The following SLC25A13 variants were observed in gnomAD, a reference collection of about 807,000 sequenced individuals.
SLC25A13 encodes the protein electrogenic aspartate/glutamate antiporter SLC25A13, mitochondrial.
SLC25A13 carries 70 observed loss-of-function variants against 85.5 expected under a neutral mutation model. The ratio of observed to expected loss-of-function variants is 0.82; its 90% CI spans 0.68 to 1.00. SLC25A13 has a LOEUF of 1.00. Ranked by LOEUF, SLC25A13 falls within the 50% of genes least tolerant of loss-of-function variation. SLC25A13 has a pLI of 0.00. For missense variants in SLC25A13, 765 were observed against 819.8 expected, an observed-to-expected ratio of 0.93 and a Z score of 0.82; for synonymous variants, 259 against 288.7, an observed-to-expected ratio of 0.90 and a Z score of 1.04.
At chr7:96,199,410 A>G (rs1795172377) in intron 5 of SLC25A13, among the ~76,000 whole-genome samples, 1 of 152,224 alleles carries the variant, frequency 6.6e-6, no homozygotes, top group Non-Finnish European at 1.5e-5. Flanking sequence ...AATAAGACAC[A>G]GGGCCTGAAA....
chr7:96,146,055 TA>T (rs759547149), intron 14 of SLC25A13, among the ~76,000 whole-genome samples: 4 of 152,184 alleles, frequency 2.6e-5, no homozygotes, highest in Non-Finnish European at 5.9e-5. Flanking sequence ...GCAGTATGAA[TA>T]AAAAATTTCA....
chr7:96,254,565 T>G (rs1237499839), intron 3 of SLC25A13, among the ~76,000 whole-genome samples: 2 of 152,202 alleles, frequency 1.3e-5, no homozygotes, highest in Admixed American at 6.5e-5. Flanking sequence ...AATATACATA[T>G]ATACCCACAT....
At chr7:96,288,496 G>A (rs144938933) in intron 2 of SLC25A13, among the ~76,000 whole-genome samples, 2,053 of 152,316 alleles carry the variant, frequency 0.013, 43 homozygotes, top group African/African-American at 0.047. Flanking sequence ...GAAGCGCAAG[G>A]GGTCAGGGAA....
chr7:96,170,624 T>G (rs190711520), intron 12 of SLC25A13, among the ~76,000 whole-genome samples: 12 of 152,270 alleles, frequency 7.9e-5, no homozygotes, highest in African/African-American at 2.2e-4. Context: ...GAACATAAAT[T>G]ACATTAATTA....
chr7:96,184,243 T>A (rs373426467), intron 11 of SLC25A13, 34 bp downstream of exon 11: 1 of 1,613,254 alleles, frequency 6.2e-7, no homozygotes, highest in African/African-American at 1.3e-5. Context: ...TGAGTGTTAT[T>A]TCACCTAACA....
chr7:96,215,974 G>T (rs545903729), intron 4 of SLC25A13, among the ~76,000 whole-genome samples: 11 of 151,948 alleles, frequency 7.2e-5, no homozygotes, highest in African/African-American at 2.4e-4. Flanking sequence ...GGGCAACATG[G>T]CAAAACCCCA....
At chr7:96,311,810 T>TAA (rs533791751) in intron 1 of SLC25A13, among the ~76,000 whole-genome samples, 1 of 150,352 alleles carries the variant, frequency 6.7e-6, no homozygotes, top group South Asian at 2.1e-4. Flanking sequence ...TGACAAAGGC[T>TAA]AAAAAAAAAG....
rs549122211 is a variant in SLC25A13, at chr7:96,308,615, G to A, written c.16-11664C>T. Reference sequence around the variant, plus strand: ...GAATTTCAAAAAGTACTAGAAAAACGCACAGGTGGTTTCTTATGTAATGTT... The same window carrying A: ...GAATTTCAAAAAGTACTAGAAAAACACACAGGTGGTTTCTTATGTAATGTT... On this transcript the variant is annotated intron_variant, in intron 1 of 17. Coordinates refer to ENST00000265631, the MANE Select transcript of SLC25A13 (RefSeq NM_014251.3). Among the ~76,000 whole-genome samples, 14 of 152,206 alleles carry A rather than the reference G, an allele frequency of 9.2e-5. No homozygotes were observed. The East Asian group carries it at 2.5e-3, about 27-fold the overall frequency.
At chr7:96,274,075 G>A (rs180721843) in intron 3 of SLC25A13, among the ~76,000 whole-genome samples, 98 of 152,220 alleles carry the variant, frequency 6.4e-4, no homozygotes, top group Middle Eastern at 6.9e-3. Flanking sequence ...ACCTTCTGCC[G>A]CTGGAACAGA....
At chr7:96,177,216 T>C (rs1794254516) in intron 11 of SLC25A13, among the ~76,000 whole-genome samples, 1 of 152,210 alleles carries the variant, frequency 6.6e-6, no homozygotes, top group Admixed American at 6.5e-5. Context: ...CATGACATTA[T>C]GCCTATCTTA....
chr7:96,206,808 T>C (rs971221288), intron 5 of SLC25A13, among the ~76,000 whole-genome samples: 9 of 152,180 alleles, frequency 5.9e-5, no homozygotes, highest in Non-Finnish European at 1.2e-4. Context: ...GGCTTCCCCA[T>C]ATCTGGAGGA....
chr7:96,216,915 A>G (rs1166785966), intron 4 of SLC25A13, among the ~76,000 whole-genome samples: 2 of 152,194 alleles, frequency 1.3e-5, no homozygotes, highest in East Asian at 1.9e-4. Context: ...GTTTAAAAAA[A>G]AGAGAGAAAA....
At chr7:96,195,586 C>T (rs1248553230) in intron 5 of SLC25A13, among the ~76,000 whole-genome samples, 2 of 152,148 alleles carry the variant, frequency 1.3e-5, no homozygotes, top group African/African-American at 4.8e-5. Context: ...ATGGAAATCT[C>T]CAATGACCCT....
intron 1 of SLC25A13, among the ~76,000 whole-genome samples, chr7:96,321,662 GC>G (rs1800349642): frequency 6.6e-6 from 1 of 152,138 alleles, no homozygotes; most frequent in Non-Finnish European, 1.5e-5. Flanking sequence ...GTCGGCCCTG[GC>G]TCAGCCCCGT....
chr7:96,285,169 CA>C (rs1282655594), intron 2 of SLC25A13, among the ~76,000 whole-genome samples: 1 of 152,164 alleles, frequency 6.6e-6, no homozygotes, highest in Non-Finnish European at 1.5e-5. Flanking sequence ...CTCTCTCATC[CA>C]TTATAAAAAA....
At chr7:96,290,524 C>G (rs1188079483) in intron 2 of SLC25A13, among the ~76,000 whole-genome samples, 2 of 148,630 alleles carry the variant, frequency 1.3e-5, no homozygotes, top group African/African-American at 2.5e-5. Context: ...CTGTATTCAG[C>G]AAACCCATCT....
intron 11 of SLC25A13, among the ~76,000 whole-genome samples, chr7:96,176,477 C>T (rs189778242): frequency 3.9e-5 from 6 of 152,322 alleles, no homozygotes; most frequent in South Asian, 4.1e-4. Flanking sequence ...CTTGGCAACT[C>T]GACTCTACCA....
chr7:96,256,183 A>G (rs954793925), intron 3 of SLC25A13, among the ~76,000 whole-genome samples: 4 of 152,172 alleles, frequency 2.6e-5, no homozygotes, highest in Non-Finnish European at 5.9e-5. Context: ...GGCAAAATAA[A>G]TGGCAAGCAT....
Position 96,176,811 on chromosome 7 carries a change from A to AT in SLC25A13, c.1178-5288dup, listed in dbSNP as rs1297377858. On this transcript the variant is annotated intron_variant, in intron 11 of 17. Coordinates refer to ENST00000265631, the MANE Select transcript of SLC25A13 (RefSeq NM_014251.3). ...AAAGAAACTCAATATTGCTGGCCTA[A>AT]TTTAAACTAATTTTAGGCTATTTCC... Among the ~76,000 whole-genome samples, 15 of 152,306 alleles carry AT rather than the reference A, an allele frequency of 9.8e-5. No individual in the cohort carries two copies. In the East Asian group the frequency reaches 2.9e-3, roughly 29 times the overall value.
Sources: gnomAD v4.1 joint callset for allele counts (sites outside exome capture counted in the v4.1 genomes callset) on GRCh38, gnomAD v4.1.1 for gene constraint, MANE v1.5 for transcripts, NCBI Gene and HGNC (gene_info 2026-07-23, HGNC 2026-07-21) for gene names.